The following AGBL4 variants were observed in gnomAD, a reference collection of about 807,000 sequenced individuals.
AGBL4 encodes the protein cytosolic carboxypeptidase 6.
A neutral mutation model predicts 66.4 loss-of-function variants in AGBL4; 58 were observed. The observed-to-expected ratio is 0.87, with a 90% CI of 0.71 to 1.09. AGBL4 has a LOEUF of 1.09. Ranked by LOEUF, AGBL4 falls within the 50% of genes least tolerant of loss-of-function variation. The pLI, the probability that AGBL4 is intolerant of heterozygous loss-of-function variation, is 0.00. For missense variants in AGBL4, 579 were observed against 631.0 expected (o/e 0.92, Z 0.88); for synonymous variants, 234 against 222.9 (o/e 1.05, Z -0.44).
intron 2 of AGBL4, among the ~76,000 whole-genome samples, chr1:49,722,002 G>C (rs1202767885): frequency 2.0e-5 from 3 of 152,154 alleles, no homozygotes; most frequent in Non-Finnish European, 4.4e-5. Flanking sequence ...GTTTGGATTA[G>C]ATAAGCAAAG....
chr1:49,501,246 T>A (rs1557999866), intron 3 of AGBL4, among the ~76,000 whole-genome samples: 1 of 152,164 alleles, frequency 6.6e-6, no homozygotes, highest in Non-Finnish European at 1.5e-5. Context: ...TTCAATGAGT[T>A]CTTTCAAATG....
chr1:49,540,417 C>A (rs914237254), intron 3 of AGBL4, among the ~76,000 whole-genome samples: 3 of 152,188 alleles, frequency 2.0e-5, no homozygotes, highest in African/African-American at 7.2e-5. Context: ...CAAGCAGTTA[C>A]AGTACTTGGC....
rs1282165611 is a variant in AGBL4 at position 48,973,523 on chromosome 1, T to G, written c.594+72061A>C. On this transcript the variant is annotated intron_variant, in intron 5 of 13. Transcript: ENST00000371839. The stretch of plus-strand genomic sequence containing the variant: ...AAACAGTTAGTGGCCTACTTATGCT[T>G]TGTCTCAAGAAATAGAACAGGGCCT... 5.3e-5 allele frequency among the ~76,000 whole-genome samples: 8 copies of G among 152,252 alleles called. No individual in the cohort carries two copies. In the South Asian group the frequency reaches 1.5e-3, roughly 28 times the overall value.
At chr1:49,003,484 A>C (rs888982373) in intron 5 of AGBL4, among the ~76,000 whole-genome samples, 1 of 152,214 alleles carries the variant, frequency 6.6e-6, no homozygotes, top group African/African-American at 2.4e-5. Context: ...GAAGACGAGA[A>C]AGAAGAGAAT....
At chr1:49,293,536 T>TA (rs1009532278) in intron 3 of AGBL4, among the ~76,000 whole-genome samples, 2 of 152,130 alleles carry the variant, frequency 1.3e-5, no homozygotes, top group Non-Finnish European at 2.9e-5. Flanking sequence ...TAGTCTCCAA[T>TA]AAAAAAAGTT....
intron 3 of AGBL4, among the ~76,000 whole-genome samples, chr1:49,457,566 T>C (rs1646417703): frequency 6.6e-6 from 1 of 151,808 alleles, no homozygotes; most frequent in Non-Finnish European, 1.5e-5. Context: ...TAAGTTTAAC[T>C]CGGTTCCATC....
At chr1:49,780,764 C>A (rs112504428) in intron 2 of AGBL4, among the ~76,000 whole-genome samples, 4,232 of 151,910 alleles carry the variant, frequency 0.028, 164 homozygotes, top group African/African-American at 0.096. Context: ...AAATATTACA[C>A]TGGGAAATAT....
At chr1:49,339,420 T>C (rs1645496415) in intron 3 of AGBL4, among the ~76,000 whole-genome samples, 2 of 152,192 alleles carry the variant, frequency 1.3e-5, no homozygotes, top group Non-Finnish European at 2.9e-5. Context: ...AAAAGATTCC[T>C]CAGGCTCAGC....
chr1:49,929,856 A>C (rs1206281732), intron 1 of AGBL4, among the ~76,000 whole-genome samples: 1 of 152,158 alleles, frequency 6.6e-6, no homozygotes, highest in Non-Finnish European at 1.5e-5. Context: ...CAGACGGATA[A>C]AAATTGAATT....
At chr1:48,906,267 T>C (rs960684451) in intron 5 of AGBL4, among the ~76,000 whole-genome samples, 2 of 152,202 alleles carry the variant, frequency 1.3e-5, no homozygotes, top group African/African-American at 4.8e-5. Context: ...CATGTTATTT[T>C]ACCTAGAAAA....
At chr1:49,996,683 T>A (rs1660391592) in intron 1 of AGBL4, among the ~76,000 whole-genome samples, 1 of 152,194 alleles carries the variant, frequency 6.6e-6, no homozygotes, top group African/African-American at 2.4e-5. Context: ...GATAAAAATC[T>A]AGACATCCAA....
intron 3 of AGBL4, among the ~76,000 whole-genome samples, chr1:49,596,420 C>T (rs1644854987): frequency 1.3e-5 from 2 of 152,164 alleles, no homozygotes; most frequent in Non-Finnish European, 1.5e-5. Context: ...ATCTGCCAGC[C>T]TCGGCCTGCC....
intron 3 of AGBL4, among the ~76,000 whole-genome samples, chr1:49,565,057 T>C (rs983359935): frequency 3.9e-5 from 6 of 152,244 alleles, no homozygotes; most frequent in Non-Finnish European, 7.3e-5. Flanking sequence ...TTTACCATTA[T>C]GTAATGTCTT....
At chr1:49,021,946 C>T (rs932156659) in intron 5 of AGBL4, among the ~76,000 whole-genome samples, 5 of 152,132 alleles carry the variant, frequency 3.3e-5, no homozygotes, top group Admixed American at 2.6e-4. Context: ...GATAGACTCC[C>T]AGCCATCTGT....
chr1:49,077,353 C>A (rs1213796258), intron 4 of AGBL4, among the ~76,000 whole-genome samples: 4 of 152,134 alleles, frequency 2.6e-5, no homozygotes, highest in African/African-American at 9.7e-5. Context: ...ACCAAAGATA[C>A]ATCAAGAATA....
At chr1:49,243,369 A>G (rs531589085) in intron 4 of AGBL4, among the ~76,000 whole-genome samples, 1 of 151,914 alleles carries the variant, frequency 6.6e-6, no homozygotes, top group South Asian at 2.1e-4. Flanking sequence ...TGGAGCCAAT[A>G]AAATCTAATA....
intron 4 of AGBL4, among the ~76,000 whole-genome samples, chr1:49,173,611 T>C (rs966498225): frequency 5.3e-5 from 8 of 152,312 alleles, no homozygotes; most frequent in Middle Eastern, 3.4e-3. Flanking sequence ...ACTGACATTA[T>C]ACTAATGAAA....
At chr1:48,821,631 A>G (rs1646316094) in intron 6 of AGBL4, among the ~76,000 whole-genome samples, 2 of 152,126 alleles carry the variant, frequency 1.3e-5, no homozygotes, top group African/African-American at 4.8e-5. Flanking sequence ...TTAAAAAATG[A>G]CCTGTTGGGG....
At chr1:49,816,992 T>G (rs975550054) in intron 2 of AGBL4, among the ~76,000 whole-genome samples, 1 of 152,178 alleles carries the variant, frequency 6.6e-6, no homozygotes, top group African/African-American at 2.4e-5. Context: ...ATATTAGAGA[T>G]GTCCATTACT....
Sources: allele counts gnomAD v4.1 joint callset (sites outside exome capture counted in the v4.1 genomes callset), GRCh38; gene constraint gnomAD v4.1.1; transcripts MANE v1.5; gene names NCBI Gene and HGNC (gene_info 2026-07-23, HGNC 2026-07-21).